Variants in BRD3 observed in about 807,000 individuals in gnomAD.
BRD3 encodes the protein bromodomain containing 3.
A neutral mutation model predicts 66.8 loss-of-function variants in BRD3; 17 were observed. The observed-to-expected ratio is 0.25, with a 90% confidence interval of 0.17 to 0.38. The LOEUF is 0.38. Among genes scored for constraint, BRD3 ranks in the 10% least tolerant of loss-of-function variants. The probability of loss-of-function intolerance (pLI) is 1.00; values close to 1 mark genes in which losing one functional copy is unlikely to be tolerated. For synonymous variants in BRD3, 421 were observed against 393.2 expected (o/e 1.07, Z -0.84); for missense variants, 713 against 956.1 (o/e 0.75, Z 3.35).
intron 1 of BRD3, among the ~76,000 whole-genome samples, chr9:134,064,774 G>C (rs540962140): frequency 2.3e-4 from 35 of 152,320 alleles, no homozygotes; most frequent in Admixed American, 2.1e-3. Context: ...CCAGAGCAGG[G>C]AGGCCCGGGC....
chr9:134,047,390 G>C lies in BRD3; in HGVS notation c.1086+693C>G, dbSNP rs909644013. ...CCAGAGGGAGGGCAGGTGCCAGCCA[G>C]GAGTCTGGAAAGGTGCTCAGGGAAG... On this transcript the variant is annotated intron_variant, in intron 6 of 11. Transcript: ENST00000303407. 1.1e-4 allele frequency among the ~76,000 whole-genome samples: 16 copies of C among 152,214 alleles called. 1 individual carries two copies. The highest frequency in any genetic ancestry group is 4.4e-5 in the Non-Finnish European group (3 of 68,026).
At chr9:134,061,222 C>T (rs911761500) in intron 1 of BRD3, among the ~76,000 whole-genome samples, 7 of 152,238 alleles carry the variant, frequency 4.6e-5, no homozygotes, top group Admixed American at 3.3e-4. Context: ...GCCTCCAATG[C>T]CACACCCTGG....
chr9:134,049,952 T>A (rs1432869962), intron 5 of BRD3, among the ~76,000 whole-genome samples: 1 of 152,210 alleles, frequency 6.6e-6, no homozygotes, highest in African/African-American at 2.4e-5. Context: ...CATGCTCCCA[T>A]GTGGAGCCCA....
At position 134,031,190 on chromosome 9, in the gene BRD3, C is replaced by T. The variant is rs931950690; in HGVS notation, c.*2400G>A. On this transcript the variant is annotated 3_prime_UTR_variant, in exon 12 of 12. Transcript: ENST00000303407. ...GATGAAAGGAGCAGAGGCGAGCCGA[C>T]GCCACCGTCACAGAGAACCAGCCGA... The T allele has an allele frequency of 6.7e-5, 15 of 222,484 alleles. No individual in the cohort carries two copies. The highest frequency in any genetic ancestry group is 1.1e-4 in the Non-Finnish European group (12 of 111,356). The allele number at this position is 222,484 out of a possible 1,614,324, so 13.8% of individuals were successfully genotyped here. A position where few individuals can be genotyped will look rare whatever the true frequency, so the allele number is the denominator to read the frequency against.
intron 9 of BRD3, among the ~76,000 whole-genome samples, chr9:134,037,872 G>C (rs1440327119): frequency 6.6e-6 from 1 of 152,132 alleles, no homozygotes; most frequent in Non-Finnish European, 1.5e-5. Context: ...AAGGCTAATA[G>C]AGAAATACTA....
rs752502651 is a variant in BRD3, at chr9:134,051,847, A to ATGTGTGTGTGTGTGTGTGTGTG, written c.352-160_352-139dup. 7 of 508,064 alleles carry ATGTGTGTGTGTGTGTGTGTGTG rather than the reference A, an allele frequency of 1.4e-5. No homozygotes were observed. The African/African-American group carries it at 2.3e-4, about 17-fold the overall frequency. 31.5% of individuals were successfully genotyped at this position (508,064 alleles called of 1,614,324 possible). ...GCGCAGGAGAGAACAAAATGAATAT[A>ATGTGTGTGTGTGTGTGTGTGTG]TGTGTGTGTGTGTGTGTGTGTGTGT... On this transcript the variant is annotated intron_variant, in intron 3 of 11. Coordinates refer to ENST00000303407, the MANE Select transcript of BRD3 (RefSeq NM_007371.4).
At chr9:134,063,192 G>A (rs1372831518) in intron 1 of BRD3, among the ~76,000 whole-genome samples, 1 of 152,216 alleles carries the variant, frequency 6.6e-6, no homozygotes, top group Non-Finnish European at 1.5e-5. Context: ...CAAATGCCGA[G>A]GACTGCAGGA....
At chr9:134,041,705 G>A in intron 8 of BRD3, 55 bp downstream of exon 8, 1 of 1,574,686 alleles carries the variant, frequency 6.4e-7, no homozygotes, top group Non-Finnish European at 8.6e-7. Context: ...TTGGGCTGCT[G>A]TGCCAGCAAT....
Position 134,045,248 on chromosome 9 carries a change from C to G in BRD3, c.1215+45G>C. The G allele has an allele frequency of 6.2e-7, 1 of 1,606,546 alleles. No homozygotes were observed. Among genetic ancestry groups the G allele is most frequent in the East Asian group, 2.2e-5 (1 of 44,730 alleles). Reference sequence around the variant, plus strand: ...CCCCACACTGAGGCCAGGATGCCCACAGCACTGAGCTGAGCAGCCCCACCC... The same window carrying G: ...CCCCACACTGAGGCCAGGATGCCCAGAGCACTGAGCTGAGCAGCCCCACCC... On this transcript the variant is annotated intron_variant, in intron 7 of 11. Transcript: ENST00000303407. This position sits in a 1 kb window ranked among gnomAD's most constrained non-coding sequence, Gnocchi z 4.8.
rs200782608 is a variant in BRD3, at chr9:134,045,285, C to G, written c.1215+8G>C. 6.2e-7 allele frequency: 1 copy of G among 1,613,178 alleles called. No individual in the cohort carries two copies. The highest frequency in any genetic ancestry group is 8.5e-7 in the Non-Finnish European group (1 of 1,179,942). ...GAGCAGCCCCACCCGTGCCCAGCCT[C>G]GGGTTACCTGGAGCTTCCGGGCCAT... is the stretch of plus-strand genomic sequence containing the variant. On this transcript the variant is annotated splice_region_variant and intron_variant, in intron 7 of 11. Transcript: ENST00000303407. The surrounding 1 kb of genome is among the most constrained non-coding windows in gnomAD (Gnocchi z 4.8).
Position 134,053,187 on chromosome 9 carries a change from C to T in BRD3, c.213+78G>A, listed in dbSNP as rs969323748. 20 of 1,518,180 alleles carry T rather than the reference C, an allele frequency of 1.3e-5. No individual in the cohort carries two copies. The African/African-American group carries it at 2.2e-4, about 17-fold the overall frequency. The allele number at this position is 1,518,180 out of a possible 1,614,324, so 94.0% of individuals were successfully genotyped here. A position where few individuals can be genotyped will look rare whatever the true frequency, so the allele number is the denominator to read the frequency against. ...ATTCCCAAGGCCAGAGGCAGTCTTT[C>T]CAGGATGGGGGCAGCAGGAGGGGGA... On this transcript the variant is annotated intron_variant, in intron 2 of 11. Coordinates refer to ENST00000303407, the MANE Select transcript of BRD3 (RefSeq NM_007371.4).
intron 1 of BRD3, chr9:134,056,987 G>A (rs1266047470): frequency 3.9e-5 from 6 of 152,354 alleles, no homozygotes; most frequent in Non-Finnish European, 7.3e-5. Flanking sequence ...AAACCAGAAG[G>A]CGTCTGTGCA....
chr9:134,066,982 C>T (rs542483973), intron 1 of BRD3, among the ~76,000 whole-genome samples: 32 of 151,940 alleles, frequency 2.1e-4, no homozygotes, highest in Non-Finnish European at 4.0e-4. Flanking sequence ...GCCCCCATCC[C>T]GGCCCTGCCC....
chr9:134,052,743 G>C (rs1443234163), intron 2 of BRD3, among the ~76,000 whole-genome samples: 1 of 152,192 alleles, frequency 6.6e-6, no homozygotes, highest in Non-Finnish European at 1.5e-5. Flanking sequence ...GACCAAACCT[G>C]CAGGTGACCA....
At position 134,032,617 on chromosome 9, in the gene BRD3, C is replaced by T. The variant is rs1439211886; in HGVS notation, c.*973G>A. 8.7e-6 allele frequency: 2 copies of T among 230,090 alleles called. No homozygotes were observed. Among genetic ancestry groups the T allele is most frequent in the African/African-American group, 2.2e-5 (1 of 45,104 alleles). The allele number at this position is 230,090 out of a possible 1,614,324, so 14.3% of individuals were successfully genotyped here. On this transcript the variant is annotated 3_prime_UTR_variant, in exon 12 of 12. Coordinates refer to ENST00000303407, the MANE Select transcript of BRD3 (RefSeq NM_007371.4). ...GGCACACCACTGGCAAGGCCTGCATCTCTGCGACTGTGTGAATGCATTTCT... is the reference window on the plus strand; with the variant it reads ...GGCACACCACTGGCAAGGCCTGCATTTCTGCGACTGTGTGAATGCATTTCT...
chr9:134,042,684 CACACACATAT>C (rs1296713918), intron 7 of BRD3, among the ~76,000 whole-genome samples: 3 of 136,542 alleles, frequency 2.2e-5, no homozygotes, highest in African/African-American at 7.5e-5. Context: ...TATATACACA[CACACACATAT>C]ACACACACAT....
Position 134,036,288 on chromosome 9 carries a change from G to A in BRD3, c.1680C>T (p.Ser560=). ...CCTCCTCCTCTTCCTCTGAGTCGTA[G>A]GAGGCAGATGCCTGCTTGCCGCCTT... ...LKKGGKQASA[S]YDSEEEEEGL... is the part of the protein sequence containing the mutation. The change falls in exon 10 of 12, where the codon TCC becomes TCT. Residue 560 remains serine (S), a synonymous_variant. Coordinates refer to ENST00000303407, the MANE Select transcript of BRD3 (RefSeq NM_007371.4). The A allele has an allele frequency of 1.2e-6, 2 of 1,610,014 alleles. No homozygotes were observed. The highest frequency in any genetic ancestry group is 1.1e-5 in the South Asian group (1 of 90,852).
Position 134,031,284 on chromosome 9 carries a change from C to G in BRD3, c.*2306G>C, listed in dbSNP as rs767637192. 2.4e-5 allele frequency: 5 copies of G among 209,292 alleles called. No individual in the cohort carries two copies. The highest frequency in any genetic ancestry group is 3.9e-5 in the Non-Finnish European group (4 of 102,942). The allele number at this position is 209,292 out of a possible 1,614,324, so 13.0% of individuals were successfully genotyped here. A position where few individuals can be genotyped will look rare whatever the true frequency, so the allele number is the denominator to read the frequency against. On this transcript the variant is annotated 3_prime_UTR_variant, in exon 12 of 12. Transcript: ENST00000303407. ...CCGGCCGCTCCCCCGACGGCTCACA[C>G]AGGCAGCACCTCACTGCCCTGTGGC... is the stretch of plus-strand genomic sequence containing the variant.
At chr9:134,052,800 G>T (rs890836134) in intron 2 of BRD3, among the ~76,000 whole-genome samples, 2 of 152,202 alleles carry the variant, frequency 1.3e-5, no homozygotes, top group African/African-American at 4.8e-5. Context: ...CCAGCCCAGG[G>T]ATTCCTCTGC....
Sources: gnomAD v4.1 joint callset for allele counts (sites outside exome capture counted in the v4.1 genomes callset) on GRCh38, gnomAD v4.1.1 for gene constraint, Gnocchi (gnomAD v3.1) non-coding constraint, MANE v1.5 for transcripts, NCBI Gene and HGNC (gene_info 2026-07-23, HGNC 2026-07-21) for gene names.